Variants in EXOC4 observed in about 807,000 individuals in gnomAD.
EXOC4 encodes exocyst complex component 4, also known as SEC8-like 1.
Under a neutral mutation model 107.2 loss-of-function variants are expected in EXOC4, and 71 were observed. The ratio of observed to expected loss-of-function variants is 0.66; its 90% confidence interval spans 0.55 to 0.81. EXOC4 has a LOEUF of 0.81. Ranked by LOEUF, EXOC4 falls within the 30% of genes least tolerant of loss-of-function variation. The pLI is 0.00. For synonymous variants in EXOC4, 456 were observed against 441.2 expected (o/e 1.03, Z -0.42); for missense variants, 1,108 against 1,189.6 (o/e 0.93, Z 1.01).
At chr7:133,805,247 A>G (rs1282099410) in intron 10 of EXOC4, among the ~76,000 whole-genome samples, 1 of 152,234 alleles carries the variant, frequency 6.6e-6, no homozygotes, top group Non-Finnish European at 1.5e-5. Flanking sequence ...AAGAAAGGCT[A>G]TTGTGAAAAT....
At chr7:133,879,341 G>C (rs931719852) in intron 11 of EXOC4, among the ~76,000 whole-genome samples, 1 of 151,998 alleles carries the variant, frequency 6.6e-6, no homozygotes, top group Non-Finnish European at 1.5e-5. Flanking sequence ...GCAACTCTCC[G>C]TGTCGGCCTC....
chr7:133,787,156 T>C (rs1472339598), intron 10 of EXOC4, among the ~76,000 whole-genome samples: 1 of 131,922 alleles, frequency 7.6e-6, no homozygotes, highest in Non-Finnish European at 1.5e-5. Flanking sequence ...TTTTTTCTTT[T>C]CTTTTTTTTT....
chr7:133,878,223 C>T (rs1798890864), intron 11 of EXOC4, among the ~76,000 whole-genome samples: 1 of 152,126 alleles, frequency 6.6e-6, no homozygotes, highest in Admixed American at 6.5e-5. Flanking sequence ...TGCATTTTCC[C>T]AGATGCATTG....
intron 10 of EXOC4, among the ~76,000 whole-genome samples, chr7:133,714,271 A>G (rs534343619): frequency 6.6e-6 from 1 of 152,278 alleles, no homozygotes; most frequent in African/African-American, 2.4e-5. Context: ...CCACCTTCTG[A>G]CTAACTGTTG....
chr7:133,541,648 C>G (rs1386026801), intron 9 of EXOC4, among the ~76,000 whole-genome samples: 1 of 151,962 alleles, frequency 6.6e-6, no homozygotes, highest in Admixed American at 6.6e-5. Context: ...TACAGGCAGG[C>G]ACCACCATGC....
intron 10 of EXOC4, among the ~76,000 whole-genome samples, chr7:133,716,282 G>A (rs1187223079): frequency 6.6e-6 from 1 of 152,164 alleles, no homozygotes; most frequent in African/African-American, 2.4e-5. Context: ...GTCTTTAAGT[G>A]GCTTTCACTG....
At chr7:133,258,954 GC>G (rs1795079124) in intron 1 of EXOC4, among the ~76,000 whole-genome samples, 1 of 151,946 alleles carries the variant, frequency 6.6e-6, no homozygotes, top group Non-Finnish European at 1.5e-5. Context: ...CAAATCAAGG[GC>G]CCAATACTCT....
intron 9 of EXOC4, among the ~76,000 whole-genome samples, chr7:133,599,388 GTCT>G (rs1298675989): frequency 9.2e-5 from 14 of 152,312 alleles, no homozygotes; most frequent in African/African-American, 3.1e-4. Flanking sequence ...GAATGCTACT[GTCT>G]TCTTCTTTCT....
At chr7:133,334,506 ATAG>A (rs1283029278) in intron 5 of EXOC4, among the ~76,000 whole-genome samples, 2 of 152,242 alleles carry the variant, frequency 1.3e-5, no homozygotes, top group East Asian at 3.9e-4. Flanking sequence ...TTATATCTGC[ATAG>A]TACTCTGTTG....
At chr7:133,715,882 T>A (rs1438744726) in intron 10 of EXOC4, among the ~76,000 whole-genome samples, 1 of 152,212 alleles carries the variant, frequency 6.6e-6, no homozygotes, top group Non-Finnish European at 1.5e-5. Flanking sequence ...ATGTTAACTC[T>A]AATTCTTAGT....
intron 12 of EXOC4, among the ~76,000 whole-genome samples, chr7:133,907,962 G>T (rs1249004686): frequency 6.6e-6 from 1 of 152,198 alleles, no homozygotes; most frequent in Admixed American, 6.5e-5. Flanking sequence ...CTTGCATGGT[G>T]TCTCTGTATA....
At chr7:133,671,167 A>C (rs1304386286) in intron 10 of EXOC4, among the ~76,000 whole-genome samples, 1 of 152,222 alleles carries the variant, frequency 6.6e-6, no homozygotes, top group Admixed American at 6.5e-5. Flanking sequence ...ATGAAAGGTC[A>C]TGTAGATGGT....
chr7:133,818,251 G>T (rs528914308), intron 11 of EXOC4, among the ~76,000 whole-genome samples: 269 of 152,194 alleles, frequency 1.8e-3, no homozygotes, highest in South Asian at 0.016. Flanking sequence ...CTATTATTAC[G>T]TTGGAATTGA....
intron 8 of EXOC4, among the ~76,000 whole-genome samples, chr7:133,477,789 C>T (rs542628181): frequency 6.6e-6 from 1 of 152,298 alleles, no homozygotes; most frequent in East Asian, 1.9e-4. Flanking sequence ...TACGAATTAT[C>T]AGTTTATTAA....
At chr7:134,028,593 C>T (rs1043478574) in intron 17 of EXOC4, among the ~76,000 whole-genome samples, 14 of 152,164 alleles carry the variant, frequency 9.2e-5, no homozygotes, top group African/African-American at 3.4e-4. Context: ...CTGGACTTCT[C>T]TGTCGCTAGC....
intron 17 of EXOC4, among the ~76,000 whole-genome samples, chr7:134,024,870 A>G (rs1795103864): frequency 6.6e-6 from 1 of 152,254 alleles, no homozygotes; most frequent in Non-Finnish European, 1.5e-5. Flanking sequence ...CGGCAGTAGT[A>G]GTGGCAGTGG....
chr7:133,683,863 A>T (rs959274568), intron 10 of EXOC4, among the ~76,000 whole-genome samples: 2 of 152,178 alleles, frequency 1.3e-5, no homozygotes, highest in African/African-American at 2.4e-5. Flanking sequence ...TCTTTACTAT[A>T]GATCTAAATG....
At chr7:133,555,807 G>A (rs1010706661) in intron 9 of EXOC4, among the ~76,000 whole-genome samples, 2 of 152,130 alleles carry the variant, frequency 1.3e-5, no homozygotes, top group Non-Finnish European at 2.9e-5. Flanking sequence ...GTATATGTAA[G>A]GTAGTTCTGC....
chr7:133,666,313 T>C (rs1452246772), intron 10 of EXOC4, among the ~76,000 whole-genome samples: 1 of 152,150 alleles, frequency 6.6e-6, no homozygotes, highest in Non-Finnish European at 1.5e-5. Context: ...CTTTTAAAAA[T>C]TTTATTAACA....
Sources: allele counts gnomAD v4.1 joint callset (sites outside exome capture counted in the v4.1 genomes callset), GRCh38; gene constraint gnomAD v4.1.1; transcripts MANE v1.5; gene names NCBI Gene and HGNC (gene_info 2026-07-23, HGNC 2026-07-21).